Variants in CTNNA3 observed in about 807,000 individuals in gnomAD.
The protein encoded by CTNNA3 is catenin alpha-3.
In CTNNA3, 76 loss-of-function variants were observed where a neutral mutation model predicts 95.7. The observed-to-expected ratio is 0.79, with a 90% CI of 0.66 to 0.96. CTNNA3 has a LOEUF of 0.96. CTNNA3 is among the 40% of genes least tolerant of loss of function. The probability of loss-of-function intolerance (pLI) is 0.00; values close to 1 mark genes in which losing one functional copy is unlikely to be tolerated. For synonymous variants in CTNNA3, 431 were observed against 374.4 expected (o/e 1.15, Z -1.74); for missense variants, 1,191 against 1,089.8 (o/e 1.09, Z -1.31).
intron 3 of CTNNA3, among the ~76,000 whole-genome samples, chr10:67,590,705 G>C (rs557912411): frequency 6.6e-6 from 1 of 151,810 alleles, no homozygotes; most frequent in African/African-American, 2.4e-5. Flanking sequence ...ATTCTTTTCG[G>C]GCCATTTTCC....
At chr10:66,989,442 C>G (rs1204676565) in intron 7 of CTNNA3, among the ~76,000 whole-genome samples, 1 of 152,106 alleles carries the variant, frequency 6.6e-6, no homozygotes, top group African/African-American at 2.4e-5. Flanking sequence ...ACTTTAATAG[C>G]TGAATTCATT....
intron 7 of CTNNA3, among the ~76,000 whole-genome samples, chr10:66,906,748 G>A (rs1846004426): frequency 6.6e-6 from 1 of 151,930 alleles, no homozygotes; most frequent in Admixed American, 6.6e-5. Context: ...TAGAATGATA[G>A]CATTATAGCA....
At chr10:67,213,010 T>C (rs1864199864) in intron 6 of CTNNA3, among the ~76,000 whole-genome samples, 1 of 151,758 alleles carries the variant, frequency 6.6e-6, no homozygotes, top group South Asian at 2.1e-4. Context: ...AGGACACTGC[T>C]GTAGAAATAC....
At chr10:67,073,218 C>T (rs536779714) in intron 7 of CTNNA3, among the ~76,000 whole-genome samples, 1 of 152,260 alleles carries the variant, frequency 6.6e-6, no homozygotes, top group South Asian at 2.1e-4. Context: ...AAAACTGGTC[C>T]TATGACCTAC....
At chr10:65,932,153 T>C (rs2077264267) in intron 17 of CTNNA3, among the ~76,000 whole-genome samples, 1 of 152,142 alleles carries the variant, frequency 6.6e-6, no homozygotes, top group Non-Finnish European at 1.5e-5. Flanking sequence ...ATTCTTTCTC[T>C]CTCTGAGTCT....
chr10:67,580,931 T>A (rs1434375411), intron 3 of CTNNA3, among the ~76,000 whole-genome samples: 1 of 152,214 alleles, frequency 6.6e-6, no homozygotes, highest in Non-Finnish European at 1.5e-5. Flanking sequence ...TTTGCTGAAG[T>A]TGCTTATCAG....
chr10:65,998,458 T>C (rs1218888276), intron 15 of CTNNA3, among the ~76,000 whole-genome samples: 2 of 152,214 alleles, frequency 1.3e-5, no homozygotes, highest in African/African-American at 4.8e-5. Flanking sequence ...CCATATTTCC[T>C]AACTCTCTAC....
chr10:67,465,464 T>C (rs1025505969), intron 5 of CTNNA3, among the ~76,000 whole-genome samples: 21 of 152,162 alleles, frequency 1.4e-4, no homozygotes, highest in African/African-American at 5.1e-4. Context: ...TCAACTTTTC[T>C]AGTAAAGTTT....
chr10:67,151,728 G>A (rs1016083584), intron 7 of CTNNA3, among the ~76,000 whole-genome samples: 9 of 152,156 alleles, frequency 5.9e-5, no homozygotes, highest in Admixed American at 2.0e-4. Flanking sequence ...ACAGCATTCT[G>A]CAGAGCAGCA....
chr10:66,978,552 A>AAAAAAATATATATATATATAT, intron 7 of CTNNA3, among the ~76,000 whole-genome samples: 3 of 37,862 alleles, frequency 7.9e-5, no homozygotes, highest in Non-Finnish European at 9.7e-5. Context: ...AAAAAAAAAA[A>AAAAAAATATATATATATATAT]ATATATATAT....
chr10:67,312,385 A>T (rs1334157520), intron 5 of CTNNA3, among the ~76,000 whole-genome samples: 2 of 152,170 alleles, frequency 1.3e-5, no homozygotes, highest in East Asian at 3.9e-4. Context: ...ATTACATTTA[A>T]AAGAAATTTG....
At chr10:67,728,492 G>A (rs542716237) in intron 1 of CTNNA3, among the ~76,000 whole-genome samples, 13 of 150,572 alleles carry the variant, frequency 8.6e-5, no homozygotes, top group South Asian at 8.4e-4. Flanking sequence ...ACAGAGTCTC[G>A]CTCTGTTGCC....
At position 66,122,214 on chromosome 10, in the gene CTNNA3, C is replaced by A. The variant is rs567027179; in HGVS notation, c.1885-18965G>T. Among the ~76,000 whole-genome samples the A allele has an allele frequency of 4.6e-5, 7 of 151,938 alleles. No homozygotes were observed. In the South Asian group the frequency reaches 1.5e-3, roughly 32 times the overall value. ...ATCACTGTAACAAAAATGAAGAGTG[C>A]CTTTGATAGGCACATCAGTAGACTA... On this transcript the variant is annotated intron_variant, in intron 13 of 17. Transcript: ENST00000433211.
At position 66,671,586 on chromosome 10, in the gene CTNNA3, A is replaced by C. The variant is rs553816119; in HGVS notation, c.1282-49802T>G. ...TCTGTTACTTTTCTTGTTAAACCCT[A>C]AATAGTTATAATAATTGTAATGAAA... On this transcript the variant is annotated intron_variant, in intron 9 of 17. Coordinates refer to ENST00000433211, the MANE Select transcript of CTNNA3 (RefSeq NM_013266.4). 1.4e-4 allele frequency among the ~76,000 whole-genome samples: 21 copies of C among 152,284 alleles called. No individual in the cohort carries two copies. The South Asian group carries it at 4.1e-3, about 30-fold the overall frequency.
chr10:66,267,315 T>A (rs994816611), intron 13 of CTNNA3, among the ~76,000 whole-genome samples: 6 of 152,104 alleles, frequency 3.9e-5, no homozygotes, highest in Admixed American at 6.6e-5. Context: ...TGTCTTGACC[T>A]CCGTATCCTT....
chr10:67,535,700 T>G (rs922613989), intron 4 of CTNNA3, among the ~76,000 whole-genome samples: 4 of 152,158 alleles, frequency 2.6e-5, no homozygotes, highest in Non-Finnish European at 5.9e-5. Context: ...CAACATTTCA[T>G]GGAAGTTACC....
At chr10:67,060,830 A>G (rs1855715309) in intron 7 of CTNNA3, among the ~76,000 whole-genome samples, 1 of 148,944 alleles carries the variant, frequency 6.7e-6, no homozygotes. Context: ...GTGTACATAT[A>G]TGACATGAAA....
chr10:66,494,939 C>T (rs2456677), intron 11 of CTNNA3, among the ~76,000 whole-genome samples: 23,532 of 152,102 alleles, frequency 0.15, 3,678 homozygotes, highest in East Asian at 0.77. Context: ...AGAGCACACA[C>T]GATAGAATGT....
In CTNNA3 at chr10:67,555,366, T is replaced by C. The variant is rs189408901; in HGVS notation, c.293-15697A>G. Reference sequence around the variant, plus strand: ...GGGCAGTATGGCCATTTTCACGATATTGATTCTTCCTATCCATGAGCATGG... The same window carrying C: ...GGGCAGTATGGCCATTTTCACGATACTGATTCTTCCTATCCATGAGCATGG... On this transcript the variant is annotated intron_variant, in intron 3 of 17. Coordinates refer to ENST00000433211, the MANE Select transcript of CTNNA3 (RefSeq NM_013266.4). Among the ~76,000 whole-genome samples, 424 of 152,338 alleles carry C rather than the reference T, an allele frequency of 2.8e-3. 3 individuals are homozygous for C. The highest frequency in any genetic ancestry group is 9.8e-3 in the African/African-American group (407 of 41,586).
Sources: allele counts gnomAD v4.1 joint callset (sites outside exome capture counted in the v4.1 genomes callset), GRCh38; gene constraint gnomAD v4.1.1; transcripts MANE v1.5; gene names NCBI Gene and HGNC (gene_info 2026-07-23, HGNC 2026-07-21).